TM6SF1: variants seen among roughly 807,000 people sequenced by gnomAD.
TM6SF1 encodes the protein transmembrane 6 superfamily member 1.
In TM6SF1, 43 loss-of-function variants were observed where a neutral mutation model predicts 47.1. The observed-to-expected ratio is 0.91, with a 90% CI of 0.72 to 1.18. The LOEUF (loss-of-function observed/expected upper bound fraction) is 1.18. Ranked by LOEUF, TM6SF1 falls within the 50% of genes most tolerant of loss-of-function variation. The pLI, the probability that TM6SF1 is intolerant of heterozygous loss-of-function variation, is 0.00. For missense variants in TM6SF1, 390 were observed against 449.0 expected (o/e 0.87, Z 1.19); for synonymous variants, 177 against 166.3 (o/e 1.06, Z -0.49).
intron 9 of TM6SF1, chr15:83,128,550 C>CT (rs1486121356): frequency 6.6e-6 from 1 of 152,170 alleles, no homozygotes; most frequent in Non-Finnish European, 1.5e-5. Context: ...ATCTTTGTAT[C>CT]TTTCAATACC....
intron 1 of TM6SF1, among the ~76,000 whole-genome samples, chr15:83,109,722 G>A (rs1016087321): frequency 6.6e-6 from 1 of 152,096 alleles, no homozygotes; most frequent in Non-Finnish European, 1.5e-5. Flanking sequence ...GTGTTTCTCG[G>A]CCTCGGCCCC....
At chr15:83,109,279 G>A (rs2033935387) in intron 1 of TM6SF1, among the ~76,000 whole-genome samples, 1 of 152,172 alleles carries the variant, frequency 6.6e-6, no homozygotes, top group Admixed American at 6.5e-5. Context: ...CAGTGCAGGG[G>A]AAGGAATTGG....
At chr15:83,130,302 G>A (rs1459154135) in intron 9 of TM6SF1, 2 of 152,374 alleles carry the variant, frequency 1.3e-5, no homozygotes, top group Non-Finnish European at 2.9e-5. Flanking sequence ...CTAATCTGTT[G>A]GTGAAGCTAA....
chr15:83,124,815 C>T (rs779538245), intron 7 of TM6SF1, 39 bp downstream of exon 7: 7 of 1,442,334 alleles, frequency 4.9e-6, no homozygotes, highest in South Asian at 1.2e-5. Flanking sequence ...CATTGTGATA[C>T]TACTCACATT....
chr15:83,122,805 A>G lies in TM6SF1; in HGVS notation c.530A>G (p.Tyr177Cys), dbSNP rs776713088. 4 of 1,613,932 alleles carry G rather than the reference A, an allele frequency of 2.5e-6. No homozygotes were observed. Among genetic ancestry groups the G allele is most frequent in the Non-Finnish European group, 3.4e-6 (4 of 1,179,976 alleles). The change falls in exon 6 of 10, where the codon TAT (tyrosine) becomes TGT (cysteine). Residue 177 changes from tyrosine (Y) to cysteine (C), a missense_variant. Tyr to Cys is a radical substitution (Grantham distance 194). Transcript: ENST00000322019. ...CCTGCTTTTTTCTTAAGCATACCAT[A>G]TACTTGTCTTCCTGTCTGGGCTGGT... ...ICPAFFLSIP[Y>C]TCLPVWAGFR... is the part of the protein sequence containing the mutation.
At chr15:83,123,215 G>A (rs868837540) in intron 6 of TM6SF1, among the ~76,000 whole-genome samples, 7 of 152,240 alleles carry the variant, frequency 4.6e-5, no homozygotes, top group Middle Eastern at 3.4e-3. Flanking sequence ...TGGCCTGGAC[G>A]TTGAACACCT....
intron 7 of TM6SF1, among the ~76,000 whole-genome samples, chr15:83,125,419 G>A (rs988511612): frequency 2.0e-5 from 3 of 152,188 alleles, no homozygotes; most frequent in African/African-American, 7.2e-5. Flanking sequence ...CTTACTAGCT[G>A]TGTGGCCTTG....
At chr15:83,111,387 TCCAC>T (rs1176691491) in intron 1 of TM6SF1, among the ~76,000 whole-genome samples, 1 of 151,954 alleles carries the variant, frequency 6.6e-6, no homozygotes, top group Non-Finnish European at 1.5e-5. Context: ...TCACCCATCA[TCCAC>T]CCATTCACCC....
intron 2 of TM6SF1, 176 bp downstream of exon 2, chr15:83,113,076 A>C: frequency 3.2e-6 from 2 of 619,072 alleles, no homozygotes; most frequent in Non-Finnish European, 5.8e-6. Flanking sequence ...CCTCTCAGGC[A>C]GTGGACTCCA....
intron 6 of TM6SF1, 82 bp from the exon 7 acceptor site, chr15:83,124,590 T>C: frequency 1.9e-6 from 2 of 1,065,474 alleles, no homozygotes; most frequent in South Asian, 2.8e-5. Context: ...CTCTTATCCA[T>C]CATCATGACA....
At chr15:83,116,436 A>T (rs937256016) in intron 3 of TM6SF1, among the ~76,000 whole-genome samples, 1 of 152,166 alleles carries the variant, frequency 6.6e-6, no homozygotes, top group Non-Finnish European at 1.5e-5. Context: ...TTCTTATTTT[A>T]TGGTGGGCTG....
chr15:83,115,037 T>A (rs2034529579), intron 2 of TM6SF1: 1 of 152,536 alleles, frequency 6.6e-6, no homozygotes, highest in South Asian at 2.1e-4. Context: ...GGATACGCCA[T>A]GTGGAATAGG....
At chr15:83,131,887 G>A (rs2036279500) in intron 9 of TM6SF1, 1 of 152,134 alleles carries the variant, frequency 6.6e-6, no homozygotes, top group African/African-American at 2.4e-5. Flanking sequence ...ATTATAGGCT[G>A]CTTAGATCCA....
At chr15:83,112,489 T>G (rs970447931) in intron 1 of TM6SF1, among the ~76,000 whole-genome samples, 3 of 152,008 alleles carry the variant, frequency 2.0e-5, no homozygotes, top group African/African-American at 7.3e-5. Flanking sequence ...GCAGTGGCCA[T>G]AGGTGCAGCA....
chr15:83,120,972 C>A (rs2035183205), intron 4 of TM6SF1, among the ~76,000 whole-genome samples: 1 of 152,068 alleles, frequency 6.6e-6, no homozygotes, highest in Non-Finnish European at 1.5e-5. Flanking sequence ...GCAGGACGCA[C>A]ACAGTATTCT....
At position 83,125,360 on chromosome 15, in the gene TM6SF1, C is replaced by T. The variant is rs138565320; in HGVS notation, c.708+584C>T. Among the ~76,000 whole-genome samples, 92 of 152,266 alleles carry T rather than the reference C, an allele frequency of 6.0e-4. 1 individual carries two copies. The highest frequency in any genetic ancestry group is 4.1e-3 in the South Asian group (20 of 4,822). On this transcript the variant is annotated intron_variant, in intron 7 of 9. Coordinates refer to ENST00000322019, the MANE Select transcript of TM6SF1 (RefSeq NM_023003.5). ...TTTTCTCTTTATTAATATTTTACTGCAGAGGTTAGGAAAAAGACTCACAGG... is the reference window on the plus strand; with the variant it reads ...TTTTCTCTTTATTAATATTTTACTGTAGAGGTTAGGAAAAAGACTCACAGG...
rs377157481 is a variant in TM6SF1 at position 83,119,585 on chromosome 15, C to T, written c.302C>T (p.Pro101Leu). The T allele has an allele frequency of 2.2e-5, 35 of 1,613,898 alleles. No homozygotes were observed. The East Asian group carries it at 2.2e-4, about 10-fold the overall frequency. Residue 101 changes from proline (P) to leucine (L), a missense_variant, in exon 4 of 10, where the codon CCG becomes CTG. Transcript: ENST00000322019. ...FMTHYLREGE[P>L]YLNTAYGHMI... ...TTTTAATGCTTTCTTTAGGGTGAAC[C>T]GTATCTGAACACCGCATATGGGCAC...
chr15:83,129,540 A>C (rs1254211733), intron 9 of TM6SF1: 1 of 152,192 alleles, frequency 6.6e-6, no homozygotes, highest in Non-Finnish European at 1.5e-5. Flanking sequence ...GTCCACCTGA[A>C]ATTATTTGCC....
intron 3 of TM6SF1, among the ~76,000 whole-genome samples, chr15:83,117,192 G>A (rs1016872248): frequency 5.3e-5 from 8 of 152,194 alleles, no homozygotes; most frequent in Non-Finnish European, 1.0e-4. Flanking sequence ...GGGAATTCCG[G>A]AGAGAAGGGA....
Sources: gnomAD v4.1 joint callset for allele counts (sites outside exome capture counted in the v4.1 genomes callset) on GRCh38, gnomAD v4.1.1 for gene constraint, MANE v1.5 for transcripts, NCBI Gene and HGNC (gene_info 2026-07-23, HGNC 2026-07-21) for gene names.